The following MYBPC1 variants were observed in gnomAD, a reference collection of about 807,000 sequenced individuals.
MYBPC1 encodes myosin binding protein C1.
MYBPC1 carries 52 observed loss-of-function variants against 147.1 expected under a neutral mutation model. The ratio of observed to expected loss-of-function variants is 0.35; its 90% CI spans 0.28 to 0.45. The LOEUF (loss-of-function observed/expected upper bound fraction) is 0.45, where lower values mean the gene tolerates loss of function less well. Ranked by LOEUF, MYBPC1 falls within the 20% of genes least tolerant of loss-of-function variation. MYBPC1 has a pLI of 1.00. For synonymous variants in MYBPC1, 477 were observed against 475.9 expected, an observed-to-expected ratio of 1.00 and a Z score of -0.03; for missense variants, 1,228 against 1,440.3, an observed-to-expected ratio of 0.85 and a Z score of 2.39.
At chr12:101,600,229 C>T (rs752027981) in intron 1 of MYBPC1, 7 of 151,998 alleles carry the variant, frequency 4.6e-5, no homozygotes, top group South Asian at 2.1e-4. Flanking sequence ...GGGTGGAAAA[C>T]ATGAAGAACT....
intron 5 of MYBPC1, among the ~76,000 whole-genome samples, chr12:101,628,752 G>A (rs191856369): frequency 2.0e-5 from 3 of 152,290 alleles, no homozygotes; most frequent in Non-Finnish European, 4.4e-5. Flanking sequence ...TCTATTTCCA[G>A]CTTGTCTCTC....
chr12:101,615,586 G>C (rs535068227), intron 2 of MYBPC1, among the ~76,000 whole-genome samples: 2 of 146,278 alleles, frequency 1.4e-5, no homozygotes, highest in East Asian at 4.2e-4. Flanking sequence ...GTAGAAAATA[G>C]AATACAGCCT....
chr12:101,632,262 T>C (rs1890066454), intron 8 of MYBPC1, 124 bp downstream of exon 8: 2 of 769,460 alleles, frequency 2.6e-6, no homozygotes, highest in Non-Finnish European at 4.6e-6. Flanking sequence ...CTGTTTCTGA[T>C]TGTGGTAGTC....
intron 23 of MYBPC1, among the ~76,000 whole-genome samples, 167 bp from the exon 24 acceptor site, chr12:101,670,154 C>T (rs1188546410): frequency 1.3e-5 from 2 of 150,850 alleles, no homozygotes; most frequent in Non-Finnish European, 3.0e-5. Context: ...CACACACACA[C>T]ATTTTGAACC....
chr12:101,687,258 G>A (rs1160462566), downstream of MYBPC1, among the ~76,000 whole-genome samples: 1 of 151,764 alleles, frequency 6.6e-6, no homozygotes, highest in East Asian at 1.9e-4. Flanking sequence ...GGTGTGTGAT[G>A]TTCCCCTTCC....
In MYBPC1 at chr12:101,659,729, C is replaced by CTGG; in HGVS notation, c.1827_1829dup (p.Val610dup). 6.2e-7 allele frequency: 1 copy of CTGG among 1,614,134 alleles called. No individual in the cohort carries two copies. The highest frequency in any genetic ancestry group is 8.5e-7 in the Non-Finnish European group (1 of 1,179,988). Reference sequence around the variant, plus strand: ...AGAATCTTACCCTGATAGCAGCACTCTGGTCATTGATATAGCTGAAAGAGA... The same window carrying CTGG: ...AGAATCTTACCCTGATAGCAGCACTCTGGTGGTCATTGATATAGCTGAAAGAGA... On this transcript the variant is annotated inframe_insertion, in exon 19 of 32. Transcript: ENST00000361466.
chr12:101,642,114 T>C (rs1892177759), intron 10 of MYBPC1, among the ~76,000 whole-genome samples: 1 of 152,230 alleles, frequency 6.6e-6, no homozygotes, highest in Non-Finnish European at 1.5e-5. Flanking sequence ...GACTTTAAAT[T>C]TGAAAATAAG....
At position 101,636,917 on chromosome 12, in the gene MYBPC1, T is replaced by C. The variant is rs1424611443; in HGVS notation, c.665+189T>C. The stretch of plus-strand genomic sequence containing the variant: ...CTGCATACTAATCTTTTAAAGCCTT[T>C]AACAGTTGCTTTTAAACTTTCTTTT... On this transcript the variant is annotated intron_variant, in intron 10 of 31. Coordinates refer to ENST00000361466, the MANE Select transcript of MYBPC1 (RefSeq NM_002465.4). 1.2e-5 allele frequency: 7 copies of C among 579,678 alleles called. No individual in the cohort carries two copies. In the African/African-American group the frequency reaches 1.3e-4, roughly 11 times the overall value. 35.9% of individuals were successfully genotyped at this position (579,678 alleles called of 1,614,324 possible). A position where few individuals can be genotyped will look rare whatever the true frequency, so the allele number is the denominator to read the frequency against.
chr12:101,673,353 C>T (rs761953010), intron 24 of MYBPC1, 74 bp from the exon 25 acceptor site: 23 of 1,507,832 alleles, frequency 1.5e-5, no homozygotes, highest in Non-Finnish European at 2.1e-5. Flanking sequence ...AGCCACTGTC[C>T]TTCTCATAAT....
rs528526087 is a variant in MYBPC1, at chr12:101,630,421, C to T, written c.289+877C>T. On this transcript the variant is annotated intron_variant, in intron 6 of 31. Coordinates refer to ENST00000361466, the MANE Select transcript of MYBPC1 (RefSeq NM_002465.4). Reference sequence around the variant, plus strand: ...TATTACCCTTGGAAAGACAGTTTAACTTCTTTATGCCTCAGTTTCCCCATC... The same window carrying T: ...TATTACCCTTGGAAAGACAGTTTAATTTCTTTATGCCTCAGTTTCCCCATC... 2.6e-5 allele frequency among the ~76,000 whole-genome samples: 4 copies of T among 152,294 alleles called. No individual in the cohort carries two copies. In the East Asian group the frequency reaches 7.7e-4, roughly 29 times the overall value.
chr12:101,689,307 G>A (rs929663281), downstream of MYBPC1, among the ~76,000 whole-genome samples: 1 of 151,278 alleles, frequency 6.6e-6, no homozygotes, highest in Non-Finnish European at 1.5e-5. Context: ...AGAAAATGGA[G>A]AGAAGGAAAG....
chr12:101,625,255 G>A (rs825071), intron 3 of MYBPC1, among the ~76,000 whole-genome samples: 72,998 of 151,610 alleles, frequency 0.48, 18,155 homozygotes, highest in East Asian at 0.66. Flanking sequence ...GCTGTTTTAT[G>A]TATTGGAGTG....
At chr12:101,600,115 C>A (rs11110879) in intron 1 of MYBPC1, among the ~76,000 whole-genome samples, 4,054 of 152,272 alleles carry the variant, frequency 0.027, 220 homozygotes, top group East Asian at 0.22. Context: ...AAGAAATTCC[C>A]TCTTGTTCCC....
At chr12:101,609,193 G>C (rs976676950) in intron 1 of MYBPC1, among the ~76,000 whole-genome samples, 45 of 152,188 alleles carry the variant, frequency 3.0e-4, no homozygotes, top group Admixed American at 2.9e-3. Flanking sequence ...TGATATTTAG[G>C]GGGTGTGCTG....
intron 20 of MYBPC1, among the ~76,000 whole-genome samples, chr12:101,662,011 A>G (rs1345717288): frequency 6.6e-5 from 10 of 151,950 alleles, no homozygotes; most frequent in African/African-American, 1.9e-4. Context: ...AAAACTGGTC[A>G]TTTCCCTCTT....
rs1883664569 is a variant in MYBPC1 at position 101,609,973 on chromosome 12, T to C, written c.26-4523T>C. On this transcript the variant is annotated intron_variant, in intron 1 of 31. Coordinates refer to ENST00000361466, the MANE Select transcript of MYBPC1 (RefSeq NM_002465.4). ...ATGAATTTTAGGAACATGTAAATTA[T>C]TTTTAGAGAAGCGGGCAAAGCTAGC... 2.6e-5 allele frequency among the ~76,000 whole-genome samples: 4 copies of C among 152,302 alleles called. No homozygotes were observed. The South Asian group carries it at 8.3e-4, about 32-fold the overall frequency.
chr12:101,667,884 G>A lies in MYBPC1; in HGVS notation c.2509G>A (p.Val837Met), dbSNP rs201488969. 2.4e-5 allele frequency: 39 copies of A among 1,613,900 alleles called. No homozygotes were observed. Among genetic ancestry groups the A allele is most frequent in the East Asian group, 6.7e-5 (3 of 44,898 alleles). The change falls in exon 23 of 32, where the codon GTG becomes ATG. Residue 837 changes from valine to methionine, a missense_variant. By Grantham distance (21) the Val-to-Met change is conservative. Coordinates refer to ENST00000361466, the MANE Select transcript of MYBPC1 (RefSeq NM_002465.4). ...CAAGTACTATTCTCAGCCCATTCTC[G>A]TGAAGGAAATCATAGGTAGGAGACA... ...EPKYYSQPIL[V>M]KEIIEPPKIR...
intron 30 of MYBPC1, among the ~76,000 whole-genome samples, chr12:101,684,109 T>C (rs1483103194): frequency 6.6e-6 from 1 of 152,182 alleles, no homozygotes; most frequent in African/African-American, 2.4e-5. Context: ...ATATTCACTA[T>C]ACAATCAGAA....
intron 23 of MYBPC1, chr12:101,669,957 T>TA: frequency 8.1e-6 from 2 of 245,890 alleles, no homozygotes; most frequent in Non-Finnish European, 1.5e-5. Context: ...AAAAAGAAAC[T>TA]ATGAAAAGTA....
Sources: allele counts gnomAD v4.1 joint callset (sites outside exome capture counted in the v4.1 genomes callset), GRCh38; gene constraint gnomAD v4.1.1; transcripts MANE v1.5; gene names NCBI Gene and HGNC (gene_info 2026-07-23, HGNC 2026-07-21).